Variants in CADPS observed in about 807,000 individuals in gnomAD.
CADPS encodes calcium dependent secretion activator.
CADPS carries 57 observed loss-of-function variants against 167.3 expected under a neutral mutation model. That is an observed-to-expected ratio of 0.34 (90% CI 0.28 to 0.42). The LOEUF (loss-of-function observed/expected upper bound fraction) is 0.42, where lower values mean the gene tolerates loss of function less well. Among genes scored for constraint, CADPS ranks in the 20% least tolerant of loss-of-function variants. The probability of loss-of-function intolerance (pLI) is 1.00; values close to 1 mark genes in which losing one functional copy is unlikely to be tolerated. For missense variants in CADPS, 1,414 were observed against 1,738.1 expected, an observed-to-expected ratio of 0.81 and a Z score of 3.32; for synonymous variants, 676 against 635.3, an observed-to-expected ratio of 1.06 and a Z score of -0.96.
intron 3 of CADPS, among the ~76,000 whole-genome samples, chr3:62,681,276 A>G (rs1365538670): frequency 6.6e-6 from 1 of 152,030 alleles, no homozygotes; most frequent in Non-Finnish European, 1.5e-5. Context: ...AAAGACTTTG[A>G]AAAAACTATG....
intron 13 of CADPS, among the ~76,000 whole-genome samples, chr3:62,529,153 C>T (rs1465215079): frequency 2.0e-5 from 3 of 152,106 alleles, no homozygotes; most frequent in African/African-American, 4.8e-5. Context: ...AAGAGCGAGA[C>T]TTCATCTCAA....
At chr3:62,695,136 T>C (rs1219849054) in intron 3 of CADPS, among the ~76,000 whole-genome samples, 1 of 152,068 alleles carries the variant, frequency 6.6e-6, no homozygotes, top group Non-Finnish European at 1.5e-5. Context: ...ACTCAGCTTT[T>C]AAGGAATTAA....
chr3:62,490,682 C>T (rs990505922), intron 21 of CADPS, among the ~76,000 whole-genome samples: 1 of 152,120 alleles, frequency 6.6e-6, no homozygotes, highest in African/African-American at 2.4e-5. Context: ...CAGAGTTACA[C>T]AAAATTCTAG....
At chr3:62,846,730 CT>C (rs2077504416) in intron 1 of CADPS, among the ~76,000 whole-genome samples, 1 of 152,122 alleles carries the variant, frequency 6.6e-6, no homozygotes, top group Non-Finnish European at 1.5e-5. Flanking sequence ...GTGGCACGAT[CT>C]TGGTTCATTA....
intron 1 of CADPS, among the ~76,000 whole-genome samples, chr3:62,839,303 T>A (rs2076316745): frequency 6.6e-6 from 1 of 152,118 alleles, no homozygotes; most frequent in Non-Finnish European, 1.5e-5. Context: ...TAAGCGATTA[T>A]CCTGCCTCAG....
intron 3 of CADPS, among the ~76,000 whole-genome samples, chr3:62,685,795 T>C (rs760309599): frequency 6.6e-5 from 10 of 152,062 alleles, no homozygotes; most frequent in Non-Finnish European, 1.5e-4. Flanking sequence ...CCCTCGCATG[T>C]GCGGTTCACA....
chr3:62,576,304 T>G (rs374960826), intron 8 of CADPS, among the ~76,000 whole-genome samples: 11 of 152,308 alleles, frequency 7.2e-5, no homozygotes, highest in Admixed American at 5.2e-4. Flanking sequence ...GTCATTAACT[T>G]TCCTTTGGCT....
chr3:62,589,961 G>A (rs1277549912), intron 7 of CADPS, among the ~76,000 whole-genome samples: 4 of 151,984 alleles, frequency 2.6e-5, no homozygotes, highest in Admixed American at 6.6e-5. Context: ...AGGCCGAGGC[G>A]GGCGGATCAC....
chr3:62,585,217 T>C lies in CADPS; in HGVS notation c.1545A>G (p.Arg515=), dbSNP rs1002130350. ...DQDLKIKLAV[R]MDKPQNMKHS... is the part of the protein sequence containing the mutation. ...GCTTCATGTTTTGAGGCTTATCCAT[T>C]CGGACAGCAAGTTTGATTTTGAGAT... is the stretch of plus-strand genomic sequence containing the variant. Residue 515 remains arginine, a synonymous_variant, in exon 8 of 30, where the codon CGA becomes CGG. Transcript: ENST00000383710. 2.5e-6 allele frequency: 4 copies of C among 1,614,132 alleles called. No individual in the cohort carries two copies. Among genetic ancestry groups the C allele is most frequent in the Non-Finnish European group, 3.4e-6 (4 of 1,179,962 alleles).
chr3:62,549,447 GTTT>G (rs3074235), intron 11 of CADPS, among the ~76,000 whole-genome samples: 1 of 129,288 alleles, frequency 7.7e-6, no homozygotes, highest in African/African-American at 3.1e-5. Context: ...CATGTTTTGT[GTTT>G]TTTTTTTTTT....
intron 17 of CADPS, among the ~76,000 whole-genome samples, chr3:62,504,643 T>C (rs1258385017): frequency 1.6e-4 from 24 of 152,172 alleles, no homozygotes; most frequent in Admixed American, 1.5e-3. Flanking sequence ...TTTGCCACCA[T>C]AGAAAAACAA....
intron 2 of CADPS, among the ~76,000 whole-genome samples, chr3:62,755,180 G>A (rs920208080): frequency 1.3e-5 from 2 of 152,104 alleles, no homozygotes; most frequent in Admixed American, 6.6e-5. Flanking sequence ...TACTTCACCC[G>A]GGTTCCTTCC....
At chr3:62,750,387 TGA>T (rs952999013) in intron 3 of CADPS, among the ~76,000 whole-genome samples, 1 of 143,534 alleles carries the variant, frequency 7.0e-6, no homozygotes, top group African/African-American at 2.5e-5. Context: ...AAGGTGAATT[TGA>T]GAGTTAGTTT....
chr3:62,837,613 G>A (rs776487871), intron 1 of CADPS, among the ~76,000 whole-genome samples: 1 of 152,126 alleles, frequency 6.6e-6, no homozygotes, highest in Non-Finnish European at 1.5e-5. Flanking sequence ...CCTATGTCAT[G>A]TTTCACAATG....
chr3:62,789,376 A>C (rs1264536277), intron 1 of CADPS, among the ~76,000 whole-genome samples: 1 of 152,200 alleles, frequency 6.6e-6, no homozygotes, highest in Non-Finnish European at 1.5e-5. Context: ...GTTCTTAATA[A>C]ACCCATTATA....
intron 1 of CADPS, among the ~76,000 whole-genome samples, chr3:62,839,998 CG>C (rs1183148388): frequency 6.6e-6 from 1 of 152,000 alleles, no homozygotes; most frequent in Non-Finnish European, 1.5e-5. Context: ...TGAGCTCAGT[CG>C]GGGACATACT....
Position 62,576,788 on chromosome 3 carries a change from T to TAAAAAAAAAAAA in CADPS, c.1578-5862_1578-5851dup, listed in dbSNP as rs138055445. 4.5e-3 allele frequency among the ~76,000 whole-genome samples: 135 copies of TAAAAAAAAAAAA among 29,848 alleles called. 9 individuals are homozygous for TAAAAAAAAAAAA. The highest frequency in any genetic ancestry group is 7.6e-3 in the African/African-American group (62 of 8,202). 19.6% of individuals were successfully genotyped at this position (29,848 alleles called of 152,430 possible). ...CTGGGTGACAGAGCAAGACTCTGTC[T>TAAAAAAAAAAAA]AAAAAAAAAAAAAAAAAAAAAAAAA... is the stretch of plus-strand genomic sequence containing the variant. On this transcript the variant is annotated intron_variant, in intron 8 of 29. Coordinates refer to ENST00000383710, the MANE Select transcript of CADPS (RefSeq NM_003716.4).
intron 2 of CADPS, among the ~76,000 whole-genome samples, chr3:62,760,787 T>A (rs931377359): frequency 4.6e-5 from 7 of 152,188 alleles, no homozygotes; most frequent in Non-Finnish European, 1.0e-4. Flanking sequence ...TATACTCCTC[T>A]TAAATAAAAA....
intron 18 of CADPS, 106 bp downstream of exon 18, chr3:62,499,056 A>G: frequency 1.6e-6 from 1 of 623,436 alleles, no homozygotes; most frequent in Non-Finnish European, 2.9e-6. Context: ...TCCCAGTTAA[A>G]AGAAAATGGG....
Sources: gnomAD v4.1 joint callset for allele counts (sites outside exome capture counted in the v4.1 genomes callset) on GRCh38, gnomAD v4.1.1 for gene constraint, MANE v1.5 for transcripts, NCBI Gene and HGNC (gene_info 2026-07-23, HGNC 2026-07-21) for gene names.